The following STK26 variants were observed in gnomAD, a reference collection of about 807,000 sequenced individuals.
STK26 encodes serine/threonine-protein kinase 26.
A neutral mutation model predicts 34.7 loss-of-function variants in STK26; 14 were observed. The ratio of observed to expected loss-of-function variants is 0.40; its 90% CI spans 0.27 to 0.63. The LOEUF (loss-of-function observed/expected upper bound fraction) is 0.63, where lower values mean the gene tolerates loss of function less well. Among genes scored for constraint, STK26 ranks in the 30% least tolerant of loss-of-function variants. The pLI is 0.38. For missense variants in STK26, 226 were observed against 309.1 expected (o/e 0.73, Z 2.02); for synonymous variants, 100 against 109.8 (o/e 0.91, Z 0.56).
intron 2 of STK26, among the ~76,000 whole-genome samples, chrX:132,035,832 T>TACACAC (rs61494612): frequency 0.029 from 2,260 of 78,179 alleles, 35 homozygotes; most frequent in South Asian, 0.038. Flanking sequence ...TCTGGCTGCA[T>TACACAC]ACACACACAC....
intron 2 of STK26, among the ~76,000 whole-genome samples, chrX:132,039,979 A>G (rs952412510): frequency 3.6e-5 from 4 of 111,944 alleles, no homozygotes; most frequent in African/African-American, 1.3e-4. Context: ...CCAATTCTAG[A>G]TGCACCGGAG....
chrX:132,071,002 T>G (rs1167546259), intron 7 of STK26, 67 bp from the exon 8 acceptor site: 1 of 1,067,494 alleles, frequency 9.4e-7, no homozygotes, highest in Admixed American at 2.8e-5. Context: ...ATGATTTTTT[T>G]TACCATTCCT....
At chrX:132,074,101 G>A (rs200227339) in intron 11 of STK26, 34 bp from the exon 12 acceptor site, 127 of 1,167,956 alleles carry the variant, frequency 1.1e-4, no homozygotes, top group African/African-American at 2.3e-4. Flanking sequence ...ATGCATAGTT[G>A]TACATTGGTT....
intron 2 of STK26, among the ~76,000 whole-genome samples, chrX:132,054,086 T>C (rs780540663): frequency 8.9e-6 from 1 of 112,064 alleles, no homozygotes; most frequent in Non-Finnish European, 1.9e-5. Flanking sequence ...AGATTACATA[T>C]AGATAAGATT....
At chrX:132,034,515 C>T (rs1413035490) in intron 2 of STK26, among the ~76,000 whole-genome samples, 5 of 109,167 alleles carry the variant, frequency 4.6e-5, no homozygotes, top group African/African-American at 6.7e-5. Context: ...ACTGTGGTCT[C>T]GATCTCCTGA....
chrX:132,033,477 A>T (rs1418377961), intron 2 of STK26, among the ~76,000 whole-genome samples: 1 of 112,285 alleles, frequency 8.9e-6, no homozygotes, highest in Admixed American at 9.4e-5. Context: ...ATGTTTTTTA[A>T]GTGCTACTGA....
chrX:132,055,173 T>C (rs1232065397), intron 3 of STK26, among the ~76,000 whole-genome samples: 2 of 112,047 alleles, frequency 1.8e-5, no homozygotes, highest in Non-Finnish European at 3.8e-5. Context: ...TTCCAGACAC[T>C]ATTCTCAATG....
intron 8 of STK26, 71 bp downstream of exon 8, chrX:132,071,288 A>G (rs922061634): frequency 3.0e-5 from 32 of 1,070,885 alleles, no homozygotes; most frequent in Non-Finnish European, 3.7e-5. Flanking sequence ...GCTATGCTCC[A>G]GTGTGCTTGT....
In STK26 at chrX:132,071,118, C is replaced by G; in HGVS notation, c.833C>G (p.Ser278Ter). 1 of 1,207,317 alleles carries G rather than the reference C, an allele frequency of 8.3e-7. No individual in the cohort carries two copies. Among genetic ancestry groups the G allele is most frequent in the Non-Finnish European group, 1.1e-6 (1 of 892,312 alleles). ...LLKHKFIVKNSKKTSYLTELI... is the reference protein window; with the variant it reads ...LLKHKFIVKN ...AAACACAAATTCATTGTAAAAAATT[C>G]AAAGAAGACTTCTTATCTGACTGAA... is the stretch of plus-strand genomic sequence containing the variant. The change falls in exon 8 of 12, where the codon TCA becomes TGA. Residue 278 changes from serine to a stop codon, truncating the protein, a stop_gained. Coordinates refer to ENST00000394334, the MANE Select transcript of STK26 (RefSeq NM_016542.4). LOFTEE classifies it high-confidence loss of function.
Position 132,040,213 on chromosome X carries a change from A to G in STK26, c.43-14418A>G, listed in dbSNP as rs752690378. Among the ~76,000 whole-genome samples the G allele has an allele frequency of 2.7e-5, 3 of 113,011 alleles. No homozygotes were observed. The South Asian group carries it at 1.1e-3, about 41-fold the overall frequency. ...ATTTAGCATCCAGCCTTTACAAGAA[A>G]GGTTTGCCGATCCCTGCCTTGGGGC... On this transcript the variant is annotated intron_variant, in intron 2 of 11. Transcript: ENST00000394334.
chrX:132,042,005 C>T (rs1419579967), intron 2 of STK26, among the ~76,000 whole-genome samples: 1 of 111,766 alleles, frequency 8.9e-6, no homozygotes, highest in Admixed American at 9.5e-5. Flanking sequence ...CTCATAATTT[C>T]AGTAGCATTT....
chrX:132,057,785 C>A (rs906516947), intron 3 of STK26, among the ~76,000 whole-genome samples: 9 of 111,895 alleles, frequency 8.0e-5, no homozygotes, highest in African/African-American at 2.9e-4. Flanking sequence ...CAAACAGCCA[C>A]TATATATTAC....
chrX:132,031,907 G>A (rs185118722), intron 2 of STK26, among the ~76,000 whole-genome samples: 2 of 111,780 alleles, frequency 1.8e-5, no homozygotes, highest in Non-Finnish European at 3.8e-5. Context: ...AGGGCACATT[G>A]ACAGCCAACT....
At position 132,026,350 on chromosome X, in the gene STK26, A is replaced by G. The variant is rs754038217; in HGVS notation, c.42+2691A>G. 3.6e-5 allele frequency among the ~76,000 whole-genome samples: 4 copies of G among 112,233 alleles called. No homozygotes were observed. In the South Asian group the frequency reaches 1.5e-3, roughly 41 times the overall value. ...ACTCATATTGTTGATATTTCTTAATATTGTGGTAACGAACATTTTTTGCCA... is the reference window on the plus strand; with the variant it reads ...ACTCATATTGTTGATATTTCTTAATGTTGTGGTAACGAACATTTTTTGCCA... On this transcript the variant is annotated intron_variant, in intron 2 of 11. Transcript: ENST00000394334.
At position 132,059,686 on chromosome X, in the gene STK26, A is replaced by G. The variant is rs751774517; in HGVS notation, c.274-3747A>G. Among the ~76,000 whole-genome samples the G allele has an allele frequency of 8.0e-5, 9 of 112,027 alleles. No individual in the cohort carries two copies. The South Asian group carries it at 2.2e-3, about 28-fold the overall frequency. ...TTAAAATGACACTCAGGCATTGAAT[A>G]GAATTTGAATCATGCCTTTATTTGC... On this transcript the variant is annotated intron_variant, in intron 3 of 11. Transcript: ENST00000394334.
intron 2 of STK26, among the ~76,000 whole-genome samples, chrX:132,048,215 G>A (rs1340582725): frequency 9.0e-6 from 1 of 111,281 alleles, no homozygotes; most frequent in African/African-American, 3.3e-5. Context: ...ACATCTTATT[G>A]TATATGATAA....
intron 2 of STK26, among the ~76,000 whole-genome samples, chrX:132,045,034 G>A (rs748352396): frequency 2.1e-4 from 22 of 107,281 alleles, no homozygotes; most frequent in Middle Eastern, 4.8e-3. Flanking sequence ...AACTTATTAG[G>A]TCCTTATTTA....
At chrX:132,066,818 A>C (rs768749133) in intron 4 of STK26, among the ~76,000 whole-genome samples, 1 of 111,721 alleles carries the variant, frequency 9.0e-6, no homozygotes, top group African/African-American at 3.3e-5. Context: ...AATCTTGCCC[A>C]ATCACTGAAA....
chrX:132,055,627 G>T (rs769022075), intron 3 of STK26: 2 of 627,905 alleles, frequency 3.2e-6, no homozygotes, highest in Admixed American at 7.5e-5. Context: ...ATGAACTCTA[G>T]CTTAGTTTGG....
Sources: allele counts gnomAD v4.1 joint callset (sites outside exome capture counted in the v4.1 genomes callset), GRCh38; gene constraint gnomAD v4.1.1; transcripts MANE v1.5; gene names NCBI Gene and HGNC (gene_info 2026-07-23, HGNC 2026-07-21).